The following DCC variants were observed in gnomAD, a reference collection of about 807,000 sequenced individuals.
DCC encodes the protein netrin receptor DCC.
Under a neutral mutation model 172.5 loss-of-function variants are expected in DCC, and 58 were observed. The ratio of observed to expected loss-of-function variants is 0.34; its 90% CI spans 0.27 to 0.42. DCC has a LOEUF of 0.42. Ranked by LOEUF, DCC falls within the 10% of genes least tolerant of loss-of-function variation. DCC has a pLI of 1.00. For synonymous variants in DCC, 709 were observed against 644.5 expected, an observed-to-expected ratio of 1.10 and a Z score of -1.52; for missense variants, 1,740 against 1,791.0, an observed-to-expected ratio of 0.97 and a Z score of 0.51.
chr18:53,421,374 A>G (rs543559286), intron 21 of DCC, among the ~76,000 whole-genome samples: 9 of 152,292 alleles, frequency 5.9e-5, no homozygotes, highest in Middle Eastern at 3.4e-3. Context: ...TGCTGAGATG[A>G]ATTACAAAGA....
intron 1 of DCC, among the ~76,000 whole-genome samples, chr18:52,365,360 A>T (rs2116392): frequency 0.39 from 59,230 of 152,136 alleles, 13,350 homozygotes; most frequent in East Asian, 0.61. Context: ...GATCCTTGAA[A>T]ACTGTTTAAT....
chr18:52,764,729 T>C (rs189555342), intron 2 of DCC, among the ~76,000 whole-genome samples: 1,790 of 151,914 alleles, frequency 0.012, 9 homozygotes, highest in Non-Finnish European at 0.019. Flanking sequence ...TCTTTATAAG[T>C]TATCCAACCT....
intron 1 of DCC, among the ~76,000 whole-genome samples, chr18:52,385,606 A>C (rs1339702748): frequency 1.3e-5 from 2 of 152,140 alleles, no homozygotes; most frequent in East Asian, 3.9e-4. Flanking sequence ...CAGAGGATGA[A>C]GTGATTCTAT....
At chr18:53,069,148 G>T (rs1025578203) in intron 7 of DCC, among the ~76,000 whole-genome samples, 1 of 152,040 alleles carries the variant, frequency 6.6e-6, no homozygotes, top group Non-Finnish European at 1.5e-5. Context: ...CAGGATTTAT[G>T]GTAAGTACCT....
chr18:52,578,730 G>T (rs1419240203), intron 1 of DCC, among the ~76,000 whole-genome samples: 1 of 152,172 alleles, frequency 6.6e-6, no homozygotes, highest in South Asian at 2.1e-4. Context: ...GGCTGGGCAC[G>T]GTGGCTCATG....
rs1351729533 is a variant in DCC, at chr18:52,471,392, A to G, written c.91+130514A>G. On this transcript the variant is annotated intron_variant, in intron 1 of 28. Coordinates refer to ENST00000442544, the MANE Select transcript of DCC (RefSeq NM_005215.4). ...TGATTTCATCTTTGATATGTAAAAG[A>G]GAACACGTGCAGACCTTTTTCATCA... Among the ~76,000 whole-genome samples the G allele has an allele frequency of 7.9e-5, 12 of 152,372 alleles. No individual in the cohort carries two copies. In the South Asian group the frequency reaches 8.3e-4, roughly 11 times the overall value.
chr18:53,082,568 C>T (rs1477833828), intron 7 of DCC, among the ~76,000 whole-genome samples: 1 of 151,936 alleles, frequency 6.6e-6, no homozygotes, highest in Non-Finnish European at 1.5e-5. Flanking sequence ...TGTTTTTGTT[C>T]AGTAACAAAT....
At chr18:52,513,341 GA>G (rs2031507543) in intron 1 of DCC, among the ~76,000 whole-genome samples, 1 of 152,134 alleles carries the variant, frequency 6.6e-6, no homozygotes, top group African/African-American at 2.4e-5. Context: ...TTAGCAGTGT[GA>G]TCTTAGATCT....
At chr18:52,363,822 T>C (rs112876588) in intron 1 of DCC, among the ~76,000 whole-genome samples, 2,231 of 152,316 alleles carry the variant, frequency 0.015, 53 homozygotes, top group African/African-American at 0.051. Flanking sequence ...TGAGTGACTA[T>C]GCCAATCAGC....
At chr18:52,584,108 G>C (rs1351687232) in intron 1 of DCC, among the ~76,000 whole-genome samples, 1 of 152,134 alleles carries the variant, frequency 6.6e-6, no homozygotes, top group Non-Finnish European at 1.5e-5. Context: ...AAGAGATCTG[G>C]AATCATTTTC....
intron 2 of DCC, among the ~76,000 whole-genome samples, chr18:52,810,207 TC>T (rs2038167566): frequency 6.6e-6 from 1 of 152,182 alleles, no homozygotes; most frequent in Non-Finnish European, 1.5e-5. Flanking sequence ...ATGACCCACT[TC>T]TAAAGACAGG....
intron 18 of DCC, among the ~76,000 whole-genome samples, chr18:53,400,039 G>T (rs1909197844): frequency 6.6e-6 from 1 of 152,034 alleles, no homozygotes. Flanking sequence ...TTGGTAAGGA[G>T]AATATAGTCT....
At chr18:52,771,781 T>C (rs2037348344) in intron 2 of DCC, among the ~76,000 whole-genome samples, 1 of 151,034 alleles carries the variant, frequency 6.6e-6, no homozygotes, top group Non-Finnish European at 1.5e-5. Context: ...ACACCTTCTC[T>C]CTCTAGTCAC....
intron 1 of DCC, among the ~76,000 whole-genome samples, chr18:52,544,899 C>A (rs1214366692): frequency 6.6e-6 from 1 of 152,118 alleles, no homozygotes; most frequent in African/African-American, 2.4e-5. Context: ...CCCATTAAAC[C>A]TAATGAAGGT....
At chr18:53,190,144 T>G (rs949370863) in intron 9 of DCC, among the ~76,000 whole-genome samples, 2 of 152,158 alleles carry the variant, frequency 1.3e-5, no homozygotes, top group Non-Finnish European at 2.9e-5. Flanking sequence ...CAGGCAGGTC[T>G]TGAACTCCCG....
intron 1 of DCC, among the ~76,000 whole-genome samples, chr18:52,521,417 C>G (rs934349054): frequency 2.0e-5 from 3 of 152,030 alleles, no homozygotes; most frequent in African/African-American, 7.3e-5. Flanking sequence ...TGTCTCAGTT[C>G]CGGAGGCTGG....
intron 8 of DCC, among the ~76,000 whole-genome samples, chr18:53,163,098 G>T (rs543457898): frequency 3.9e-5 from 6 of 152,190 alleles, no homozygotes; most frequent in Non-Finnish European, 5.9e-5. Context: ...CTTTTATCAA[G>T]TTTGATGTTT....
At chr18:52,593,347 C>T (rs1048719224) in intron 1 of DCC, among the ~76,000 whole-genome samples, 3 of 152,102 alleles carry the variant, frequency 2.0e-5, no homozygotes, top group African/African-American at 7.2e-5. Flanking sequence ...CGTAAAACTC[C>T]CTCAGCAGCA....
In DCC at chr18:53,529,036, T is replaced by TCACACACA. The variant is rs1293138635; in HGVS notation, c.4255-1527_4255-1526insACACACAC. On this transcript the variant is annotated intron_variant, in intron 28 of 28. Coordinates refer to ENST00000442544, the MANE Select transcript of DCC (RefSeq NM_005215.4). ...CTCTCTCTCTCTCTCTCTCTCTCTC[T>TCACACACA]CTCACACACACACACACACACACAC... Among the ~76,000 whole-genome samples, 13 of 46,816 alleles carry TCACACACA rather than the reference T, an allele frequency of 2.8e-4. No individual in the cohort carries two copies. The East Asian group carries it at 5.1e-3, about 18-fold the overall frequency. The allele number at this position is 46,816 out of a possible 152,430, so 30.7% of individuals were successfully genotyped here.
Sources: gnomAD v4.1 joint callset for allele counts (sites outside exome capture counted in the v4.1 genomes callset) on GRCh38, gnomAD v4.1.1 for gene constraint, MANE v1.5 for transcripts, NCBI Gene and HGNC (gene_info 2026-07-23, HGNC 2026-07-21) for gene names.